The following CATSPERE variants were observed in gnomAD, a reference collection of about 807,000 sequenced individuals.
CATSPERE encodes catsper channel auxiliary subunit epsilon.
In CATSPERE, 93 loss-of-function variants were observed where a neutral mutation model predicts 114.1. The ratio of observed to expected loss-of-function variants is 0.81; its 90% CI spans 0.69 to 0.97. The LOEUF (loss-of-function observed/expected upper bound fraction) is 0.97. Among genes scored for constraint, CATSPERE ranks in the 50% least tolerant of loss-of-function variants. CATSPERE has a pLI of 0.00. For missense variants in CATSPERE, 1,058 were observed against 1,131.6 expected, an observed-to-expected ratio of 0.93 and a Z score of 0.93; for synonymous variants, 341 against 384.1, an observed-to-expected ratio of 0.89 and a Z score of 1.31.
chr1:244,498,964 C>T, intron 6 of CATSPERE, 38 bp from the exon 7 acceptor site: 1 of 1,480,992 alleles, frequency 6.8e-7, no homozygotes, highest in Non-Finnish European at 9.4e-7. Context: ...GAAATTTGTA[C>T]AAAATGTAAA....
At chr1:244,486,024 A>G (rs1300752769) in intron 5 of CATSPERE, among the ~76,000 whole-genome samples, 1 of 152,060 alleles carries the variant, frequency 6.6e-6, no homozygotes, top group African/African-American at 2.4e-5. Flanking sequence ...TTTTACCCAG[A>G]GGTAATTGCT....
rs1207550227 is a variant in CATSPERE at position 244,633,866 on chromosome 1, T to A, written c.2649-1623T>A. Among the ~76,000 whole-genome samples the A allele has an allele frequency of 8.4e-6, 1 of 119,610 alleles. No homozygotes were observed. The highest frequency in any genetic ancestry group is 1.7e-5 in the Non-Finnish European group (1 of 57,166). The allele number at this position is 119,610 out of a possible 152,430, so 78.5% of individuals were successfully genotyped here. ...CTGTGACAGGTGTCTACATCACTCA[T>A]TTTTTTTTTTTTTTTTGAGACGGAG... On this transcript the variant is annotated intron_variant, in intron 20 of 21. Coordinates refer to ENST00000366534, the MANE Select transcript of CATSPERE (RefSeq NM_001130957.2). This position sits in a 1 kb window ranked among gnomAD's most constrained non-coding sequence, Gnocchi z 4.1.
At chr1:244,499,667 A>ATGAACTCATCCT (rs1413599405) in intron 7 of CATSPERE, among the ~76,000 whole-genome samples, 1 of 152,192 alleles carries the variant, frequency 6.6e-6, no homozygotes, top group Non-Finnish European at 1.5e-5. Flanking sequence ...TGCAAAGGAC[A>ATGAACTCATCCT]TGAACTCATC....
rs1158076962 is a variant in CATSPERE at position 244,593,404 on chromosome 1, G to A, written c.2199G>A (p.Leu733=). 1.2e-6 allele frequency: 2 copies of A among 1,612,772 alleles called. No individual in the cohort carries two copies. The highest frequency in any genetic ancestry group is 2.2e-5 in the South Asian group (2 of 91,006). ...DFSYVIEKSY[L]RHQPSKNLRV... ...AATGTCTTTTTCACAGGTCATATCTGAGGCATCAGCCATCGAAAAACTTGG... is the reference window on the plus strand; with the variant it reads ...AATGTCTTTTTCACAGGTCATATCTAAGGCATCAGCCATCGAAAAACTTGG... The change falls in exon 16 of 22, where the codon CTG becomes CTA. Residue 733 remains leucine, a synonymous_variant. Coordinates refer to ENST00000366534, the MANE Select transcript of CATSPERE (RefSeq NM_001130957.2).
chr1:244,572,799 T>C, intron 11 of CATSPERE, 27 bp downstream of exon 11: 2 of 1,440,702 alleles, frequency 1.4e-6, no homozygotes, highest in Non-Finnish European at 9.4e-7. Flanking sequence ...AATTTCTTCA[T>C]TTGATTTTAA....
chr1:244,550,552 T>C (rs1660448762), intron 8 of CATSPERE, among the ~76,000 whole-genome samples: 2 of 152,212 alleles, frequency 1.3e-5, no homozygotes, highest in African/African-American at 2.4e-5. Context: ...GGTGTCTGCA[T>C]ATGTGAGGTT....
chr1:244,553,620 C>CACACACACATATATACAT (rs1448830426), intron 9 of CATSPERE, among the ~76,000 whole-genome samples: 12 of 139,242 alleles, frequency 8.6e-5, no homozygotes, highest in African/African-American at 3.0e-4. Flanking sequence ...CACACACACA[C>CACACACACATATATACAT]ACACACACAC....
chr1:244,536,192 CTT>C (rs1162786037), intron 8 of CATSPERE, among the ~76,000 whole-genome samples: 1 of 151,754 alleles, frequency 6.6e-6, no homozygotes, highest in Non-Finnish European at 1.5e-5. Context: ...GAAGGAGTCT[CTT>C]TCATAGCTGT....
intron 9 of CATSPERE, among the ~76,000 whole-genome samples, chr1:244,554,801 T>G (rs1336714053): frequency 4.6e-5 from 7 of 152,022 alleles, no homozygotes; most frequent in Non-Finnish European, 5.9e-5. Flanking sequence ...CTTACCCTGA[T>G]ACCAAAACCA....
intron 8 of CATSPERE, among the ~76,000 whole-genome samples, chr1:244,534,447 C>T (rs1680070052): frequency 6.6e-6 from 1 of 152,040 alleles, no homozygotes; most frequent in South Asian, 2.1e-4. Flanking sequence ...CATGCTTCAT[C>T]CTTTTCTATT....
chr1:244,561,285 T>C lies in CATSPERE; in HGVS notation c.1507+140T>C, dbSNP rs1285070675. ...GCACTTCTTATCACCTACAAATGAA[T>C]TGACTTTAAATACAAGTAATGTTAA... On this transcript the variant is annotated intron_variant, in intron 10 of 21. Transcript: ENST00000366534. 4 of 649,620 alleles carry C rather than the reference T, an allele frequency of 6.2e-6. 1 individual carries two copies. Among genetic ancestry groups the C allele is most frequent in the South Asian group, 5.6e-5 (3 of 53,356 alleles). The allele number at this position is 649,620 out of a possible 1,614,324, so 40.2% of individuals were successfully genotyped here. A position where few individuals can be genotyped will look rare whatever the true frequency, so the allele number is the denominator to read the frequency against.
At chr1:244,550,638 C>A (rs3003221) in intron 8 of CATSPERE, among the ~76,000 whole-genome samples, 3 of 152,224 alleles carry the variant, frequency 2.0e-5, no homozygotes, top group East Asian at 1.9e-4. Flanking sequence ...ATGTTAGAGC[C>A]AGGTGATGTG....
intron 19 of CATSPERE, among the ~76,000 whole-genome samples, chr1:244,611,225 A>T (rs914797529): frequency 7.2e-5 from 11 of 152,214 alleles, no homozygotes; most frequent in African/African-American, 2.4e-4. Context: ...GTGCTCATTA[A>T]ATATTTGTGG....
chr1:244,571,455 T>G (rs1309361033), intron 10 of CATSPERE, among the ~76,000 whole-genome samples: 1 of 152,142 alleles, frequency 6.6e-6, no homozygotes, highest in Admixed American at 6.5e-5. Context: ...TTTACAGACA[T>G]AGCAACAGAA....
intron 17 of CATSPERE, among the ~76,000 whole-genome samples, chr1:244,598,087 A>G (rs2148660320): frequency 6.6e-6 from 1 of 152,332 alleles, no homozygotes; most frequent in East Asian, 1.9e-4. Context: ...TATTCATATA[A>G]CTAGTTACAC....
chr1:244,577,372 A>G (rs1665439141), intron 11 of CATSPERE, among the ~76,000 whole-genome samples: 1 of 152,226 alleles, frequency 6.6e-6, no homozygotes, highest in South Asian at 2.1e-4. Context: ...ATGCAGTCTC[A>G]TGGATAGATC....
In CATSPERE at chr1:244,479,775, A is replaced by G; in HGVS notation, c.317A>G (p.Tyr106Cys). Residue 106 changes from tyrosine to cysteine, a missense_variant, in exon 5 of 22, where the codon TAT becomes TGT. This residue lies in a region of CATSPERE where 271 missense variants were observed against 225.9 expected (regional missense o/e 1.20). Transcript: ENST00000366534. ...TCTCATACTTGCTTTCTGTGGTACT[A>G]TAGAGTTAGGTAAGTAATGCAGTAC... The part of the protein sequence containing the change: ...ESSHTCFLWY[Y>C]RVRHFFNNFT... 2 of 1,583,902 alleles carry G rather than the reference A, an allele frequency of 1.3e-6. No individual in the cohort carries two copies. Among genetic ancestry groups the G allele is most frequent in the South Asian group, 2.3e-5 (2 of 88,378 alleles).
chr1:244,485,364 T>C (rs1345579601), intron 5 of CATSPERE, among the ~76,000 whole-genome samples: 1 of 151,890 alleles, frequency 6.6e-6, no homozygotes, highest in African/African-American at 2.4e-5. Flanking sequence ...GTATTTTTAG[T>C]AGAGATGGGG....
At chr1:244,515,391 C>G in intron 7 of CATSPERE, 1 of 846,018 alleles carries the variant, frequency 1.2e-6, no homozygotes, top group Non-Finnish European at 1.4e-6. Flanking sequence ...AGGCAAGCCT[C>G]AAGGCAGCAG....
Sources: allele counts gnomAD v4.1 joint callset (sites outside exome capture counted in the v4.1 genomes callset), GRCh38; gene constraint gnomAD v4.1.1; regional missense constraint gnomAD v4.1.1; non-coding constraint Gnocchi (gnomAD v3.1); transcripts MANE v1.5; gene names NCBI Gene and HGNC (gene_info 2026-07-23, HGNC 2026-07-21).